Variants in RNF169 observed in about 807,000 individuals in gnomAD.
RNF169 encodes E3 ubiquitin-protein ligase RNF169.
A neutral mutation model predicts 53.9 loss-of-function variants in RNF169; 24 were observed. The observed-to-expected ratio is 0.45, with a 90% CI of 0.32 to 0.63. RNF169 has a LOEUF of 0.63. RNF169 is among the 20% of genes least tolerant of loss of function. The pLI, the probability that RNF169 is intolerant of heterozygous loss-of-function variation, is 0.04. For missense variants in RNF169, 883 were observed against 906.2 expected (o/e 0.97, Z 0.33); for synonymous variants, 396 against 363.5 (o/e 1.09, Z -1.02).
chr11:74,841,912 A>C lies in RNF169; in HGVS notation c.*5182A>C, dbSNP rs960706260. 1 of 152,268 alleles carries C rather than the reference A, an allele frequency of 6.6e-6. No individual in the cohort carries two copies. Among genetic ancestry groups the C allele is most frequent in the African/African-American group, 2.4e-5 (1 of 41,456 alleles). The allele number at this position is 152,268 out of a possible 1,614,324, so 9.4% of individuals were successfully genotyped here. On this transcript the variant is annotated 3_prime_UTR_variant, in exon 6 of 6. Transcript: ENST00000299563. ...GGTTCAAGTTTGCATCAAACATGGT[A>C]TTACCAACGCTGAGCCTCCAGCAGA...
In RNF169 at chr11:74,835,656, C is replaced by T. The variant is rs531436435; in HGVS notation, c.1053C>T (p.Phe351=). ...TAACCATCGAAAAGCGTCTACCCTT[C>T]AGCTCCCTTTCATCCTTGGCTTCCC... The part of the protein sequence containing the change: ...PDLTIEKRLP[F]SSLSSLASLH... Residue 351 remains phenylalanine, a synonymous_variant, in exon 6 of 6, where the codon TTC becomes TTT. Coordinates refer to ENST00000299563, the MANE Select transcript of RNF169 (RefSeq NM_001098638.2). 6.2e-6 allele frequency: 10 copies of T among 1,614,174 alleles called. No individual in the cohort carries two copies. In the South Asian group the frequency reaches 9.9e-5, roughly 16 times the overall value.
intron 1 of RNF169, among the ~76,000 whole-genome samples, chr11:74,786,901 T>C (rs2035511562): frequency 6.6e-6 from 1 of 152,206 alleles, no homozygotes; most frequent in Non-Finnish European, 1.5e-5. Context: ...ATCAGTGAAG[T>C]ATTTTGGAGA....
Position 74,804,753 on chromosome 11 carries a change from C to T in RNF169, c.577-5431C>T, listed in dbSNP as rs554591924. On this transcript the variant is annotated intron_variant, in intron 2 of 5. Coordinates refer to ENST00000299563, the MANE Select transcript of RNF169 (RefSeq NM_001098638.2). Reference sequence around the variant, plus strand: ...CCTGTGGTAAAACTGTTTTATTATACGTTGTTTGCTTGAAGTTTCAGTTTC... The same window carrying T: ...CCTGTGGTAAAACTGTTTTATTATATGTTGTTTGCTTGAAGTTTCAGTTTC... 5.9e-5 allele frequency among the ~76,000 whole-genome samples: 9 copies of T among 152,130 alleles called. No homozygotes were observed. In the East Asian group the frequency reaches 1.4e-3, roughly 23 times the overall value.
intron 1 of RNF169, among the ~76,000 whole-genome samples, chr11:74,760,670 G>A: frequency 1.3e-5 from 2 of 150,452 alleles, no homozygotes; most frequent in African/African-American, 4.9e-5. Context: ...ACTGTGGTCT[G>A]AGAGATAGTT....
intron 4 of RNF169, among the ~76,000 whole-genome samples, chr11:74,826,755 G>A (rs1565187154): frequency 6.6e-6 from 1 of 152,248 alleles, no homozygotes; most frequent in African/African-American, 2.4e-5. Context: ...CTGAAATCCA[G>A]CAGGGCAGCT....
intron 4 of RNF169, among the ~76,000 whole-genome samples, chr11:74,829,081 T>C (rs2036138738): frequency 6.6e-6 from 1 of 152,168 alleles, no homozygotes; most frequent in African/African-American, 2.4e-5. Flanking sequence ...AGAAAAATTT[T>C]TGCAATCTAT....
At chr11:74,799,465 C>T (rs955189554) in intron 2 of RNF169, among the ~76,000 whole-genome samples, 5 of 152,090 alleles carry the variant, frequency 3.3e-5, no homozygotes, top group Admixed American at 1.3e-4. Flanking sequence ...ATTCAAAACA[C>T]GATCAAATTC....
intron 2 of RNF169, among the ~76,000 whole-genome samples, chr11:74,798,101 A>C (rs2035675200): frequency 6.6e-6 from 1 of 152,198 alleles, no homozygotes; most frequent in African/African-American, 2.4e-5. Flanking sequence ...CATTAACTGC[A>C]CAAGTTGTAG....
intron 4 of RNF169, 124 bp downstream of exon 4, chr11:74,817,838 G>A: frequency 1.5e-6 from 1 of 684,680 alleles, no homozygotes; most frequent in East Asian, 2.5e-5. Context: ...GGAGAAAAGA[G>A]GTGGGAATTG....
intron 4 of RNF169, among the ~76,000 whole-genome samples, chr11:74,834,449 T>G (rs1420783992): frequency 2.6e-5 from 4 of 152,194 alleles, no homozygotes; most frequent in African/African-American, 9.7e-5. Context: ...AGGGTCTAGT[T>G]TGGAAACAAA....
chr11:74,776,554 C>T (rs1027908636), intron 1 of RNF169, among the ~76,000 whole-genome samples: 4 of 146,152 alleles, frequency 2.7e-5, no homozygotes, highest in Admixed American at 1.4e-4. Flanking sequence ...TTGTTTGACA[C>T]TGAGACACAT....
In RNF169 at chr11:74,749,304, C is replaced by A; in HGVS notation, c.424C>A (p.Arg142Ser). 3 of 1,179,588 alleles carry A rather than the reference C, an allele frequency of 2.5e-6. No individual in the cohort carries two copies. Among genetic ancestry groups the A allele is most frequent in the Non-Finnish European group, 2.1e-6 (2 of 955,694 alleles). 73.1% of individuals were successfully genotyped at this position (1,179,588 alleles called of 1,614,324 possible). ...CARRSQPERC[R>S]PRRDGGAAAA... ...CCGCCGCAGCCAACCCGAGCGCTGC[C>A]GCCCGCGCCGGGACGGGGGCGCGGC... Residue 142 changes from arginine (R) to serine (S), a missense_variant, in exon 1 of 6, where the codon CGC becomes AGC. Transcript: ENST00000299563.
chr11:74,770,552 AT>A (rs571094479), intron 1 of RNF169, among the ~76,000 whole-genome samples: 39 of 152,098 alleles, frequency 2.6e-4, no homozygotes, highest in Admixed American at 4.6e-4. Context: ...GTAGCTCGCT[AT>A]TTTTTTCAAA....
At chr11:74,785,383 C>T (rs2035485462) in intron 1 of RNF169, among the ~76,000 whole-genome samples, 1 of 148,744 alleles carries the variant, frequency 6.7e-6, no homozygotes, top group East Asian at 1.9e-4. Context: ...TAAATACTCT[C>T]GCTTAATTGA....
At chr11:74,803,377 C>G (rs777425354) in intron 2 of RNF169, among the ~76,000 whole-genome samples, 1 of 152,084 alleles carries the variant, frequency 6.6e-6, no homozygotes, top group Non-Finnish European at 1.5e-5. Context: ...AGCCACCGCG[C>G]CCAACCAAAC....
At chr11:74,819,083 A>T (rs1488536487) in intron 4 of RNF169, among the ~76,000 whole-genome samples, 10 of 148,758 alleles carry the variant, frequency 6.7e-5, no homozygotes, top group Non-Finnish European at 1.0e-4. Context: ...TTTTTTTTTT[A>T]AAGTGATGTA....
chr11:74,783,037 G>A (rs1165243955), intron 1 of RNF169, among the ~76,000 whole-genome samples: 1 of 151,042 alleles, frequency 6.6e-6, no homozygotes, highest in Non-Finnish European at 1.5e-5. Flanking sequence ...CATAGAAAAT[G>A]AATGTACAGG....
At chr11:74,801,546 T>C (rs528862596) in intron 2 of RNF169, among the ~76,000 whole-genome samples, 1 of 152,348 alleles carries the variant, frequency 6.6e-6, no homozygotes, top group African/African-American at 2.4e-5. Context: ...CCAGCTTGTA[T>C]TATATTCCTT....
intron 1 of RNF169, 62 bp from the exon 2 acceptor site, chr11:74,789,564 G>A: frequency 2.1e-6 from 2 of 963,094 alleles, no homozygotes; most frequent in Non-Finnish European, 3.3e-6. Context: ...CATGTATTGT[G>A]CCTCCTGTGG....
Sources: gnomAD v4.1 joint callset for allele counts (sites outside exome capture counted in the v4.1 genomes callset) on GRCh38, gnomAD v4.1.1 for gene constraint, MANE v1.5 for transcripts, NCBI Gene and HGNC (gene_info 2026-07-23, HGNC 2026-07-21) for gene names.